UGT2B4: variants seen among roughly 807,000 people sequenced by gnomAD.
The protein encoded by UGT2B4 is UDP glucuronosyltransferase family 2 member B4, also known as UDP-glucuronosyltransferase 2B4.
A neutral mutation model predicts 49.8 loss-of-function variants in UGT2B4; 49 were observed. That is an observed-to-expected ratio of 0.98 (90% CI 0.78 to 1.25). The LOEUF is 1.25. Ranked by LOEUF, UGT2B4 falls within the 50% of genes most tolerant of loss-of-function variation. The pLI is 0.00. For synonymous variants in UGT2B4, 246 were observed against 217.7 expected (o/e 1.13, Z -1.14); for missense variants, 729 against 627.7 (o/e 1.16, Z -1.73).
rs1171590757 is a variant in UGT2B4, at chr4:69,510,450, G to T, written c.-105-14484C>A. Among the ~76,000 whole-genome samples, 8 of 152,216 alleles carry T rather than the reference G, an allele frequency of 5.3e-5. No individual in the cohort carries two copies. The East Asian group carries it at 1.5e-3, about 29-fold the overall frequency. ...TATATTGAATTAGTGAATTGCTTTA[G>T]ATAGCATGAATGTTTAAACAGTATT... On this transcript the variant is annotated intron_variant, in intron 1 of 1. Transcript: ENST00000510114.
chr4:69,495,096 C>T, intron 1 of UGT2B4, 45 bp downstream of exon 1: 1 of 1,485,262 alleles, frequency 6.7e-7, no homozygotes, highest in Non-Finnish European at 8.9e-7. Context: ...TTCAAAGGTA[C>T]AAGAAAGTTA....
intron 1 of UGT2B4, among the ~76,000 whole-genome samples, chr4:69,508,271 A>G (rs1728524105): frequency 6.6e-6 from 1 of 152,200 alleles, no homozygotes; most frequent in African/African-American, 2.4e-5. Context: ...AATTAATTCA[A>G]TCATCATGGA....
intron 1 of UGT2B4, among the ~76,000 whole-genome samples, chr4:69,514,005 T>G (rs917541264): frequency 2.3e-5 from 3 of 127,900 alleles, no homozygotes; most frequent in African/African-American, 8.7e-5. Flanking sequence ...TTTATTTTTT[T>G]TTAATTTTTT....
chr4:69,486,402 A>G (rs1212772369), intron 4 of UGT2B4, among the ~76,000 whole-genome samples: 3 of 152,100 alleles, frequency 2.0e-5, no homozygotes, highest in African/African-American at 7.2e-5. Context: ...AGATACTCTG[A>G]CTCTGATTGT....
chr4:69,513,729 G>T (rs1728664017), intron 1 of UGT2B4, among the ~76,000 whole-genome samples: 1 of 152,042 alleles, frequency 6.6e-6, no homozygotes, highest in Non-Finnish European at 1.5e-5. Flanking sequence ...TTTTCTATTT[G>T]TGTCCTCTCT....
rs57494102 is a variant in UGT2B4 at position 69,481,091 on chromosome 4, GAAAAAAAAAAAA to G, written c.1311-193_1311-182del. Among the ~76,000 whole-genome samples, 26 of 67,814 alleles carry G rather than the reference GAAAAAAAAAAAA, an allele frequency of 3.8e-4. 1 individual carries two copies. The highest frequency in any genetic ancestry group is 1.2e-3 in the Admixed American group (5 of 4,020). 44.5% of individuals were successfully genotyped at this position (67,814 alleles called of 152,430 possible). On this transcript the variant is annotated intron_variant, in intron 5 of 5. Transcript: ENST00000305107. ...GTCACCCCGTCTCCAGTAAAAATAT[GAAAAAAAAAAAA>G]AAAAAAAAAAAAAAGATTACCCAGG...
chr4:69,485,736 G>T (rs1361870394), intron 4 of UGT2B4, among the ~76,000 whole-genome samples: 2 of 152,106 alleles, frequency 1.3e-5, no homozygotes, highest in Non-Finnish European at 2.9e-5. Context: ...GGACATGAAA[G>T]AATGTGTTCT....
chr4:69,485,216 A>C lies in UGT2B4; in HGVS notation c.1302T>G (p.Asn434Lys). ...AAAAAAGTTATACTCACAAAGGATC[A>C]TTAATTACTGTCTTCAGTGCATTGA... ...DLLNALKTVI[N>K]DPLYKENAMK... is the part of the protein sequence containing the mutation. The change falls in exon 5 of 6, where the codon AAT becomes AAG. Residue 434 changes from asparagine (N) to lysine (K), a missense_variant. Asn to Lys is a moderately conservative substitution (Grantham distance 94). Transcript: ENST00000305107. 1 of 1,614,024 alleles carries C rather than the reference A, an allele frequency of 6.2e-7. No homozygotes were observed. Among genetic ancestry groups the C allele is most frequent in the South Asian group, 1.1e-5 (1 of 91,074 alleles).
intron 1 of UGT2B4, among the ~76,000 whole-genome samples, chr4:69,516,015 T>C (rs1728723066): frequency 6.6e-6 from 1 of 152,102 alleles, no homozygotes; most frequent in East Asian, 1.9e-4. Context: ...CTCCTTCAGG[T>C]CCCAGTGTGT....
chr4:69,496,010 G>A (rs1728152117), upstream of UGT2B4: 2 of 1,256,482 alleles, frequency 1.6e-6, no homozygotes, highest in East Asian at 2.5e-5. Context: ...GCATGTGGAT[G>A]ACAAAGAGAC....
chr4:69,482,485 T>G (rs1429590280), intron 5 of UGT2B4, among the ~76,000 whole-genome samples: 2 of 152,196 alleles, frequency 1.3e-5, no homozygotes, highest in African/African-American at 2.4e-5. Flanking sequence ...AGAAGAACTC[T>G]CTTTTCCTGG....
At chr4:69,508,486 T>C (rs750768083) in intron 1 of UGT2B4, among the ~76,000 whole-genome samples, 12 of 152,198 alleles carry the variant, frequency 7.9e-5, no homozygotes, top group Non-Finnish European at 1.6e-4. Context: ...ATAAAGAATA[T>C]GTGGTACCTA....
rs566782140 is a variant in UGT2B4 at position 69,495,690 on chromosome 4, A to G, written c.172T>C (p.Ser58Pro). The change falls in exon 1 of 6, where the codon TCT (serine) becomes CCT (proline). Residue 58 changes from serine (S) to proline (P), a missense_variant. Transcript: ENST00000305107. ...QRGHEVTVLA[S>P]SASISFDPNS... Reference sequence around the variant, plus strand: ...GGATCGAAAGAAATGGAAGCTGAAGATGCCAATACAGTCACCTCATGACCT... The same window carrying G: ...GGATCGAAAGAAATGGAAGCTGAAGGTGCCAATACAGTCACCTCATGACCT... The G allele has an allele frequency of 6.2e-7, 1 of 1,614,088 alleles. No homozygotes were observed. The highest frequency in any genetic ancestry group is 1.1e-5 in the South Asian group (1 of 91,088).
chr4:69,506,457 A>G (rs145529797), intron 1 of UGT2B4, among the ~76,000 whole-genome samples: 95 of 152,322 alleles, frequency 6.2e-4, no homozygotes, highest in South Asian at 1.7e-3. Context: ...ACCTCTATGC[A>G]CAAGAACTAC....
At position 69,525,260 on chromosome 4, in the gene UGT2B4, T is replaced by C. The variant is rs1728954504; in HGVS notation, c.-106+427A>G. Among the ~76,000 whole-genome samples the C allele has an allele frequency of 2.0e-5, 3 of 152,120 alleles. 1 individual carries two copies. The highest frequency in any genetic ancestry group is 2.0e-4 in the Admixed American group (3 of 15,258). ...GAAAAATGATTAAAATGTATATTAG[T>C]AGACTAAGTATGAGACCATAAGGGC... On this transcript the variant is annotated intron_variant, in intron 1 of 1. Transcript: ENST00000510114.
At chr4:69,512,500 A>G (rs1175690567) in intron 1 of UGT2B4, among the ~76,000 whole-genome samples, 1 of 152,088 alleles carries the variant, frequency 6.6e-6, no homozygotes, top group Admixed American at 6.6e-5. Flanking sequence ...AGATGGCTGG[A>G]AACCATAGTT....
intron 1 of UGT2B4, among the ~76,000 whole-genome samples, chr4:69,522,642 A>AT (rs1246070272): frequency 2.6e-5 from 4 of 152,170 alleles, no homozygotes; most frequent in African/African-American, 9.7e-5. Flanking sequence ...TTGCCTCCGT[A>AT]TTAATGGCTG....
intron 3 of UGT2B4, among the ~76,000 whole-genome samples, chr4:69,488,796 G>C (rs1727870517): frequency 6.6e-6 from 1 of 151,968 alleles, no homozygotes; most frequent in Non-Finnish European, 1.5e-5. Context: ...TCAGACATTG[G>C]CTGGGTCCAG....
intron 3 of UGT2B4, 36 bp downstream of exon 3, chr4:69,489,403 A>G (rs757714460): frequency 3.1e-6 from 5 of 1,602,928 alleles, no homozygotes; most frequent in Non-Finnish European, 1.7e-6. Flanking sequence ...AGCCTCTTTC[A>G]GTAGTTTTTT....
Sources: gnomAD v4.1 joint callset for allele counts (sites outside exome capture counted in the v4.1 genomes callset) on GRCh38, gnomAD v4.1.1 for gene constraint, MANE v1.5 for transcripts, NCBI Gene and HGNC (gene_info 2026-07-23, HGNC 2026-07-21) for gene names.